The following AUTS2 variants were observed in gnomAD, a reference collection of about 807,000 sequenced individuals.
AUTS2 encodes the protein autism susceptibility gene 2 protein.
In AUTS2, 17 loss-of-function variants were observed where a neutral mutation model predicts 112.4. The observed-to-expected ratio is 0.15, with a 90% CI of 0.10 to 0.23. The LOEUF is 0.23. Among genes scored for constraint, AUTS2 ranks in the 10% least tolerant of loss-of-function variants. The pLI is 1.00. For missense variants in AUTS2, 1,510 were observed against 1,701.6 expected (o/e 0.89, Z 1.98); for synonymous variants, 751 against 702.7 (o/e 1.07, Z -1.09).
intron 6 of AUTS2, among the ~76,000 whole-genome samples, chr7:70,753,065 C>T (rs1237069179): frequency 6.6e-6 from 1 of 152,102 alleles, no homozygotes; most frequent in African/African-American, 2.4e-5. Flanking sequence ...GAGCAATAAA[C>T]TTGAAACAAG....
At chr7:69,825,013 TA>T (rs1791177593) in intron 1 of AUTS2, among the ~76,000 whole-genome samples, 1 of 152,216 alleles carries the variant, frequency 6.6e-6, no homozygotes, top group African/African-American at 2.4e-5. Flanking sequence ...GATAGTAACT[TA>T]AAATCAAGAA....
At chr7:69,852,145 TC>T (rs1437485506) in intron 1 of AUTS2, among the ~76,000 whole-genome samples, 1 of 152,160 alleles carries the variant, frequency 6.6e-6, no homozygotes, top group Admixed American at 6.5e-5. Flanking sequence ...CTGAGGAAAT[TC>T]CTTTCTATTC....
At chr7:69,650,704 C>G (rs1451911886) in intron 1 of AUTS2, among the ~76,000 whole-genome samples, 1 of 152,222 alleles carries the variant, frequency 6.6e-6, no homozygotes, top group Non-Finnish European at 1.5e-5. Context: ...GCACGGGTTG[C>G]AAGCCCATGA....
At chr7:70,375,661 T>C (rs1469885800) in intron 4 of AUTS2, among the ~76,000 whole-genome samples, 2 of 152,238 alleles carry the variant, frequency 1.3e-5, no homozygotes, top group South Asian at 4.1e-4. Context: ...AAGAAAAACA[T>C]TGGCTGAATT....
intron 1 of AUTS2, among the ~76,000 whole-genome samples, chr7:69,627,902 TAATG>T (rs1484514656): frequency 3.3e-5 from 5 of 152,226 alleles, no homozygotes; most frequent in Non-Finnish European, 7.3e-5. Context: ...TTACAGCACA[TAATG>T]AACATTATAA....
chr7:70,370,546 T>A (rs1168352608), intron 4 of AUTS2, among the ~76,000 whole-genome samples: 2 of 152,232 alleles, frequency 1.3e-5, no homozygotes, highest in African/African-American at 4.8e-5. Context: ...AATATTACAT[T>A]ACATTGATAC....
chr7:70,666,068 G>T (rs1217843039), intron 5 of AUTS2, among the ~76,000 whole-genome samples: 1 of 152,168 alleles, frequency 6.6e-6, no homozygotes, highest in Non-Finnish European at 1.5e-5. Context: ...ACAGATTGTG[G>T]TGGTAGCATT....
chr7:70,073,403 C>T (rs1303814103), intron 2 of AUTS2, among the ~76,000 whole-genome samples: 2 of 150,694 alleles, frequency 1.3e-5, no homozygotes, highest in African/African-American at 4.9e-5. Context: ...CCCAGCTACT[C>T]GGGGGGCTGT....
chr7:70,370,687 A>T (rs1792800171), intron 4 of AUTS2, among the ~76,000 whole-genome samples: 1 of 152,178 alleles, frequency 6.6e-6, no homozygotes, highest in South Asian at 2.1e-4. Flanking sequence ...TTTCTCTTAG[A>T]CATATACACA....
intron 2 of AUTS2, among the ~76,000 whole-genome samples, chr7:70,082,758 C>A (rs893360509): frequency 6.6e-6 from 1 of 152,080 alleles, no homozygotes; most frequent in Non-Finnish European, 1.5e-5. Flanking sequence ...TTCTTTTTGT[C>A]AACAGAGTAC....
chr7:69,917,504 C>CTATAGCTT (rs1346730435), intron 2 of AUTS2, among the ~76,000 whole-genome samples: 2 of 146,404 alleles, frequency 1.4e-5, no homozygotes, highest in African/African-American at 5.5e-5. Context: ...AAGGGATCCC[C>CTATAGCTT]TATAGCTTTA....
intron 1 of AUTS2, among the ~76,000 whole-genome samples, chr7:69,660,745 A>G (rs1188561957): frequency 6.6e-6 from 1 of 152,180 alleles, no homozygotes; most frequent in Non-Finnish European, 1.5e-5. Context: ...TTCCTGGCTA[A>G]CACAGTGAAA....
At chr7:70,623,650 G>A (rs991962961) in intron 5 of AUTS2, among the ~76,000 whole-genome samples, 1 of 152,124 alleles carries the variant, frequency 6.6e-6, no homozygotes. Context: ...ACGTGTTCAG[G>A]GGATCACTGG....
chr7:69,906,697 A>C (rs1228525575), intron 2 of AUTS2, among the ~76,000 whole-genome samples: 1 of 152,240 alleles, frequency 6.6e-6, no homozygotes, highest in Non-Finnish European at 1.5e-5. Flanking sequence ...GGATGTCTTC[A>C]TGCCCAATTT....
intron 5 of AUTS2, among the ~76,000 whole-genome samples, chr7:70,603,283 G>A (rs574901696): frequency 2.0e-5 from 3 of 152,136 alleles, no homozygotes; most frequent in African/African-American, 7.2e-5. Context: ...GGATGCTTTT[G>A]GGTAAGAGTT....
At chr7:70,381,421 T>C (rs1053907233) in intron 4 of AUTS2, among the ~76,000 whole-genome samples, 2 of 152,198 alleles carry the variant, frequency 1.3e-5, no homozygotes, top group Non-Finnish European at 2.9e-5. Context: ...AAGGAAAAAG[T>C]CAAATCAACT....
intron 4 of AUTS2, among the ~76,000 whole-genome samples, chr7:70,348,760 G>A (rs1256900158): frequency 2.0e-5 from 3 of 152,144 alleles, no homozygotes; most frequent in Middle Eastern, 3.2e-3. Flanking sequence ...GCAGTGAGCC[G>A]AGATCATGCC....
chr7:70,046,764 G>A (rs1467435872), intron 2 of AUTS2, among the ~76,000 whole-genome samples: 1 of 152,042 alleles, frequency 6.6e-6, no homozygotes, highest in Non-Finnish European at 1.5e-5. Context: ...AGGTATATTG[G>A]TCTGCAATTT....
At chr7:69,899,831 G>C (rs1372424893) in intron 2 of AUTS2, among the ~76,000 whole-genome samples, 1 of 152,184 alleles carries the variant, frequency 6.6e-6, no homozygotes, top group Non-Finnish European at 1.5e-5. Context: ...TTGCAATTAG[G>C]ATAAATGGAA....
Sources: gnomAD v4.1 joint callset for allele counts (sites outside exome capture counted in the v4.1 genomes callset) on GRCh38, gnomAD v4.1.1 for gene constraint, MANE v1.5 for transcripts, NCBI Gene and HGNC (gene_info 2026-07-23, HGNC 2026-07-21) for gene names.